MED13L: variants seen among roughly 807,000 people sequenced by gnomAD.
MED13L encodes mediator complex subunit 13L, also known as mediator of RNA polymerase II transcription subunit 13-like.
In MED13L, 7 loss-of-function variants were observed where a neutral mutation model predicts 220.9. The observed-to-expected ratio is 0.03, with a 90% CI of 0.02 to 0.06. The LOEUF (loss-of-function observed/expected upper bound fraction) is 0.06, where lower values mean the gene tolerates loss of function less well. Ranked by LOEUF, MED13L falls within the 10% of genes least tolerant of loss-of-function variation. MED13L has a pLI of 1.00. For synonymous variants in MED13L, 1,011 were observed against 1,015.2 expected (o/e 1.00, Z 0.08); for missense variants, 1,965 against 2,760.5 (o/e 0.71, Z 6.46).
At chr12:116,158,819 T>C (rs150472631) in intron 2 of MED13L, among the ~76,000 whole-genome samples, 212 of 152,292 alleles carry the variant, frequency 1.4e-3, no homozygotes, top group African/African-American at 4.8e-3. Flanking sequence ...CCTTACAAGA[T>C]AGGTACAATT....
chr12:116,247,590 G>C lies in MED13L; in HGVS notation c.73-9885C>G, dbSNP rs563742846. 3.3e-5 allele frequency among the ~76,000 whole-genome samples: 5 copies of C among 151,432 alleles called. No homozygotes were observed. In the South Asian group the frequency reaches 1.0e-3, roughly 32 times the overall value. ...TTCCCTGTGTAGATGGGCTGCTGAC[G>C]AGACACTGGGCCTCCCATCTGACTG... On this transcript the variant is annotated intron_variant, in intron 1 of 30. Transcript: ENST00000281928.
intron 4 of MED13L, among the ~76,000 whole-genome samples, chr12:116,082,907 G>T (rs1871327896): frequency 6.6e-6 from 1 of 152,248 alleles, no homozygotes; most frequent in African/African-American, 2.4e-5. Flanking sequence ...CTGAATACAT[G>T]TAAACAACAT....
intron 4 of MED13L, among the ~76,000 whole-genome samples, chr12:116,078,883 A>G (rs1871019834): frequency 6.6e-6 from 1 of 152,234 alleles, no homozygotes; most frequent in South Asian, 2.1e-4. Flanking sequence ...AAAAATTTTA[A>G]AAAGAATATA....
intron 2 of MED13L, among the ~76,000 whole-genome samples, chr12:116,149,627 T>C (rs1877872497): frequency 6.6e-6 from 1 of 152,146 alleles, no homozygotes; most frequent in Admixed American, 6.6e-5. Flanking sequence ...AAATGCCAAA[T>C]CTCCCAATAA....
intron 4 of MED13L, among the ~76,000 whole-genome samples, chr12:116,079,703 A>T (rs988599931): frequency 6.6e-6 from 1 of 151,918 alleles, no homozygotes; most frequent in Non-Finnish European, 1.5e-5. Context: ...CACAGCTAAT[A>T]TTGGTATTCT....
At chr12:116,236,857 GCTAAAAATCAGGCAACA>G (rs1870129350) in intron 2 of MED13L, 1 of 984,966 alleles carries the variant, frequency 1.0e-6, no homozygotes, top group Admixed American at 6.1e-5. Flanking sequence ...GCAATCTGAA[GCTAAAAATCAGGCAACA>G]CCGGAGCCAA....
intron 9 of MED13L, among the ~76,000 whole-genome samples, chr12:116,011,304 C>T (rs1164688434): frequency 6.6e-6 from 1 of 152,048 alleles, no homozygotes; most frequent in Admixed American, 6.6e-5. Context: ...AAAAAAAAGA[C>T]CTGAAGATAT....
intron 1 of MED13L, among the ~76,000 whole-genome samples, chr12:116,245,345 G>C (rs1593204024): frequency 6.6e-6 from 1 of 152,068 alleles, no homozygotes; most frequent in African/African-American, 2.4e-5. Context: ...CCCAACTAAA[G>C]AGCCCACCCA....
At chr12:116,251,716 G>A (rs1871583357) in intron 1 of MED13L, among the ~76,000 whole-genome samples, 3 of 150,500 alleles carry the variant, frequency 2.0e-5, no homozygotes, top group South Asian at 2.1e-4. Context: ...AGCCAAGATC[G>A]CGCCACAGCA....
chr12:116,077,659 GT>G (rs746296244), intron 4 of MED13L, among the ~76,000 whole-genome samples: 4 of 152,192 alleles, frequency 2.6e-5, no homozygotes, highest in Non-Finnish European at 5.9e-5. Flanking sequence ...AAATGAACTG[GT>G]AATAGGGATT....
chr12:116,268,725 T>C (rs1444667449), intron 1 of MED13L, among the ~76,000 whole-genome samples: 1 of 152,228 alleles, frequency 6.6e-6, no homozygotes, highest in African/African-American at 2.4e-5. Context: ...AATATCCTTT[T>C]AGATTACCAA....
intron 4 of MED13L, among the ~76,000 whole-genome samples, chr12:116,066,241 T>C (rs1869919092): frequency 1.3e-5 from 2 of 152,152 alleles, no homozygotes; most frequent in Admixed American, 6.5e-5. Context: ...AGAGTTTTCA[T>C]TGAGAGGAAC....
rs1406882588 is a variant in MED13L at position 116,206,967 on chromosome 12, G to A, written c.310+30501C>T. The stretch of plus-strand genomic sequence containing the variant: ...ACCAGTTGGTGACAAAAACCACAGA[G>A]AGGAATTATTCTGAGTGACTTTAAA... On this transcript the variant is annotated intron_variant, in intron 2 of 30. Coordinates refer to ENST00000281928, the MANE Select transcript of MED13L (RefSeq NM_015335.5). Among the ~76,000 whole-genome samples the A allele has an allele frequency of 2.0e-5, 3 of 152,002 alleles. No homozygotes were observed. The South Asian group carries it at 6.2e-4, about 32-fold the overall frequency.
intron 10 of MED13L, 137 bp downstream of exon 10, chr12:116,008,264 C>T: frequency 8.1e-7 from 1 of 1,234,994 alleles, no homozygotes; most frequent in Non-Finnish European, 1.1e-6. Context: ...GACCATTAAA[C>T]ATTTTCCATA....
At chr12:116,240,345 C>T (rs1870504708) in intron 1 of MED13L, among the ~76,000 whole-genome samples, 1 of 152,122 alleles carries the variant, frequency 6.6e-6, no homozygotes, top group South Asian at 2.1e-4. Flanking sequence ...GGTCCACCCA[C>T]CTCGGCCTCC....
chr12:116,166,146 T>C (rs1879253583), intron 2 of MED13L, among the ~76,000 whole-genome samples: 1 of 152,168 alleles, frequency 6.6e-6, no homozygotes, highest in Non-Finnish European at 1.5e-5. Context: ...GGAGAATCAC[T>C]TGAGGCCAGG....
chr12:116,134,460 G>C (rs1876349828), intron 2 of MED13L, among the ~76,000 whole-genome samples: 1 of 152,146 alleles, frequency 6.6e-6, no homozygotes, highest in Non-Finnish European at 1.5e-5. Context: ...GGTCTCAGCG[G>C]TGAAGCAAAC....
At chr12:116,110,120 C>T (rs992512263) in intron 3 of MED13L, 1 of 152,168 alleles carries the variant, frequency 6.6e-6, no homozygotes. Context: ...CATTCTTTCT[C>T]ATCCACTTCT....
intron 2 of MED13L, among the ~76,000 whole-genome samples, chr12:116,125,232 C>T (rs1349163451): frequency 1.3e-5 from 2 of 152,188 alleles, no homozygotes; most frequent in African/African-American, 4.8e-5. Context: ...GCTATTCAGG[C>T]TGCTGAGGTG....
Sources: gnomAD v4.1 joint callset for allele counts (sites outside exome capture counted in the v4.1 genomes callset) on GRCh38, gnomAD v4.1.1 for gene constraint, MANE v1.5 for transcripts, NCBI Gene and HGNC (gene_info 2026-07-23, HGNC 2026-07-21) for gene names.